Variants in DROSHA observed in about 807,000 individuals in gnomAD.
The protein encoded by DROSHA is drosha ribonuclease III, also known as ribonuclease 3.
DROSHA carries 56 observed loss-of-function variants against 181.9 expected under a neutral mutation model. The ratio of observed to expected loss-of-function variants is 0.31; its 90% CI spans 0.25 to 0.38. The LOEUF (loss-of-function observed/expected upper bound fraction) is 0.38. DROSHA is among the 10% of genes least tolerant of loss of function. The probability of loss-of-function intolerance (pLI) is 1.00; values close to 1 mark genes in which losing one functional copy is unlikely to be tolerated. For synonymous variants in DROSHA, 524 were observed against 591.2 expected (o/e 0.89, Z 1.65); for missense variants, 1,218 against 1,743.5 (o/e 0.70, Z 5.37).
At chr5:31,521,304 G>C (rs1739872123) in intron 5 of DROSHA, 89 bp from the exon 6 acceptor site, 1 of 1,418,472 alleles carries the variant, frequency 7.0e-7, no homozygotes, top group Admixed American at 1.8e-5. Context: ...TAAATAAATG[G>C]ACCACATCTA....
intron 23 of DROSHA, among the ~76,000 whole-genome samples, chr5:31,446,997 G>A (rs1466094742): frequency 6.6e-6 from 1 of 152,096 alleles, no homozygotes; most frequent in Non-Finnish European, 1.5e-5. Context: ...CTGAGATCAT[G>A]CCACTGCACC....
intron 12 of DROSHA, among the ~76,000 whole-genome samples, chr5:31,494,751 T>C (rs1269980084): frequency 1.3e-5 from 2 of 152,100 alleles, no homozygotes; most frequent in Non-Finnish European, 2.9e-5. Context: ...AGTGGTGCGA[T>C]CTCGGCTCTG....
intron 9 of DROSHA, among the ~76,000 whole-genome samples, chr5:31,510,565 A>T (rs889409186): frequency 6.6e-6 from 1 of 152,252 alleles, no homozygotes. Flanking sequence ...CTCAGAACAT[A>T]CACATGAAAA....
chr5:31,453,750 T>G (rs747554129), intron 20 of DROSHA, among the ~76,000 whole-genome samples: 18 of 152,254 alleles, frequency 1.2e-4, no homozygotes, highest in Middle Eastern at 3.4e-3. Context: ...AACCCTTTCG[T>G]GAGTACCTTG....
rs62348719 is a variant in DROSHA, at chr5:31,457,184, C to T, written c.2575-5544G>A. Among the ~76,000 whole-genome samples, 1,101 of 122,714 alleles carry T rather than the reference C, an allele frequency of 9.0e-3. 10 individuals are homozygous for T. The highest frequency in any genetic ancestry group is 0.011 in the Non-Finnish European group (723 of 62,884). The allele number at this position is 122,714 out of a possible 152,430, so 80.5% of individuals were successfully genotyped here. ...TGTTTCCCAGGCTGGAGTTCAGTGG[C>T]GTGATCTCGGCTCATTGCAACCTCT... On this transcript the variant is annotated intron_variant, in intron 20 of 35. Transcript: ENST00000344624.
chr5:31,401,134 G>T lies in DROSHA; in HGVS notation c.*298C>A. ...ATCTGGGACACAGATGGAAAAACAG[G>T]ATCTATTCCACATAGAATATGCTTC... On this transcript the variant is annotated 3_prime_UTR_variant, in exon 36 of 36. Transcript: ENST00000344624. 1 of 331,180 alleles carries T rather than the reference G, an allele frequency of 3.0e-6. No homozygotes were observed. Among genetic ancestry groups the T allele is most frequent in the East Asian group, 7.9e-5 (1 of 12,604 alleles). 20.5% of individuals were successfully genotyped at this position (331,180 alleles called of 1,614,324 possible).
At position 31,515,509 on chromosome 5, in the gene DROSHA, C is replaced by A. The variant is rs750452216; in HGVS notation, c.1003G>T (p.Gly335Trp). ...EPAGCTPELPGEIIKNTDSWA... is the reference protein window; with the variant it reads ...EPAGCTPELPWEIIKNTDSWA... ...GAATCTGTATTTTTAATAATCTCCC[C>A]AGGTAATTCTGGTGTGCATCCAGCA... The change falls in exon 7 of 36, where the codon GGG (glycine) becomes TGG (tryptophan). Residue 335 changes from glycine (G) to tryptophan (W), a missense_variant. Gly to Trp is a radical substitution (Grantham distance 184). Coordinates refer to ENST00000344624, the MANE Select transcript of DROSHA (RefSeq NM_001382508.1). The A allele has an allele frequency of 3.3e-6, 5 of 1,514,252 alleles. No homozygotes were observed. Among genetic ancestry groups the A allele is most frequent in the Non-Finnish European group, 4.5e-6 (5 of 1,112,580 alleles). 93.8% of individuals were successfully genotyped at this position (1,514,252 alleles called of 1,614,324 possible).
rs1741018815 is a variant in DROSHA, at chr5:31,409,304, C to T, written c.3696G>A (p.Lys1232=). Residue 1232 remains lysine (K), a synonymous_variant, in exon 32 of 36, where the codon AAG becomes AAA. Coordinates refer to ENST00000344624, the MANE Select transcript of DROSHA (RefSeq NM_001382508.1). This position sits in a 1 kb window ranked among gnomAD's most constrained non-coding sequence, Gnocchi z 4.0. ...TGAAAGTATGAACATATTCCAAATCCTTATCAATGTACAGCGCTGCAATAA... is the reference window on the plus strand; with the variant it reads ...TGAAAGTATGAACATATTCCAAATCTTTATCAATGTACAGCGCTGCAATAA... ...ESFIAALYID[K]DLEYVHTFMN... The T allele has an allele frequency of 1.3e-6, 2 of 1,586,892 alleles. No individual in the cohort carries two copies. The highest frequency in any genetic ancestry group is 1.7e-6 in the Non-Finnish European group (2 of 1,165,528).
At chr5:31,509,995 C>T (rs559752762) in intron 9 of DROSHA, among the ~76,000 whole-genome samples, 101 of 143,646 alleles carry the variant, frequency 7.0e-4, no homozygotes, top group African/African-American at 2.2e-3. Context: ...TTGAACTGTA[C>T]GCTTAAAAAT....
At chr5:31,493,937 TTGTGTGTGTGTGTGTGTG>T (rs67311624) in intron 12 of DROSHA, among the ~76,000 whole-genome samples, 15 of 144,800 alleles carry the variant, frequency 1.0e-4, no homozygotes, top group African/African-American at 1.3e-4. Flanking sequence ...TAACCCACCA[TTGTGTGTGTGTGTGTGTG>T]TGTGTGTGTG....
intron 22 of DROSHA, among the ~76,000 whole-genome samples, chr5:31,448,950 T>C (rs1026658500): frequency 6.6e-6 from 1 of 152,046 alleles, no homozygotes; most frequent in East Asian, 1.9e-4. Flanking sequence ...CTGGCCAACA[T>C]GGCAAAACCC....
intron 23 of DROSHA, among the ~76,000 whole-genome samples, chr5:31,443,263 C>T (rs1362422088): frequency 1.3e-5 from 2 of 152,012 alleles, no homozygotes; most frequent in African/African-American, 2.4e-5. Flanking sequence ...GGTGATCCAC[C>T]CACCTCGGCC....
intron 10 of DROSHA, among the ~76,000 whole-genome samples, chr5:31,505,986 C>T (rs183320063): frequency 1.6e-4 from 24 of 152,262 alleles, no homozygotes; most frequent in African/African-American, 5.5e-4. Context: ...GGAATAATAT[C>T]GCTACCAAAA....
rs548953046 is a variant in DROSHA, at chr5:31,407,303, G to A, written c.3855-358C>T. Among the ~76,000 whole-genome samples the A allele has an allele frequency of 1.6e-4, 24 of 152,172 alleles. No individual in the cohort carries two copies. The South Asian group carries it at 5.0e-3, about 32-fold the overall frequency. On this transcript the variant is annotated intron_variant, in intron 33 of 35. Coordinates refer to ENST00000344624, the MANE Select transcript of DROSHA (RefSeq NM_001382508.1). ...GAAAAGTTAAGAGCTCCTGTCTATT[G>A]GTTTTCAGTGCTAATCACAGCCTAA...
chr5:31,412,601 TTCA>T (rs1741446994), intron 30 of DROSHA, among the ~76,000 whole-genome samples: 1 of 152,348 alleles, frequency 6.6e-6, no homozygotes, highest in African/African-American at 2.4e-5. Context: ...TAACTTGATC[TTCA>T]TAAGCCATGC....
At chr5:31,419,165 T>C (rs888007804) in intron 30 of DROSHA, among the ~76,000 whole-genome samples, 1 of 152,136 alleles carries the variant, frequency 6.6e-6, no homozygotes, top group African/African-American at 2.4e-5. Flanking sequence ...CCAACAAAGC[T>C]TGTGTTTCAA....
chr5:31,502,126 A>C (rs1162344058), intron 11 of DROSHA, among the ~76,000 whole-genome samples: 2 of 152,250 alleles, frequency 1.3e-5, no homozygotes, highest in African/African-American at 4.8e-5. Context: ...AGGAGGCAAA[A>C]GAATGCACAT....
intron 8 of DROSHA, among the ~76,000 whole-genome samples, chr5:31,512,587 T>C (rs1216188919): frequency 6.6e-6 from 1 of 152,116 alleles, no homozygotes; most frequent in East Asian, 1.9e-4. Context: ...TCCCCAGAAA[T>C]TAAATATATA....
intron 11 of DROSHA, among the ~76,000 whole-genome samples, chr5:31,501,110 C>T (rs1369530435): frequency 6.6e-6 from 1 of 152,140 alleles, no homozygotes; most frequent in Non-Finnish European, 1.5e-5. Flanking sequence ...CCCAAAGGGG[C>T]TTATGGCCAT....
Sources: allele counts gnomAD v4.1 joint callset (sites outside exome capture counted in the v4.1 genomes callset), GRCh38; gene constraint gnomAD v4.1.1; non-coding constraint Gnocchi (gnomAD v3.1); transcripts MANE v1.5; gene names NCBI Gene and HGNC (gene_info 2026-07-23, HGNC 2026-07-21).